The following PREP variants were observed in gnomAD, a reference collection of about 807,000 sequenced individuals.
PREP encodes the protein prolyl endopeptidase.
Under a neutral mutation model 87.6 loss-of-function variants are expected in PREP, and 29 were observed. The observed-to-expected ratio is 0.33, with a 90% CI of 0.25 to 0.45. PREP has a LOEUF of 0.45. Among genes scored for constraint, PREP ranks in the 20% least tolerant of loss-of-function variants. The pLI, the probability that PREP is intolerant of heterozygous loss-of-function variation, is 1.00. For missense variants in PREP, 695 were observed against 886.5 expected, an observed-to-expected ratio of 0.78 and a Z score of 2.74; for synonymous variants, 337 against 328.6, an observed-to-expected ratio of 1.03 and a Z score of -0.28.
At chr6:105,363,558 G>A (rs1772306293) in intron 6 of PREP, among the ~76,000 whole-genome samples, 1 of 152,210 alleles carries the variant, frequency 6.6e-6, no homozygotes, top group Non-Finnish European at 1.5e-5. Flanking sequence ...GGGAGCTCTT[G>A]TTCCTGAGCC....
intron 10 of PREP, among the ~76,000 whole-genome samples, chr6:105,297,376 G>A (rs1770431792): frequency 6.6e-6 from 1 of 152,182 alleles, no homozygotes; most frequent in Non-Finnish European, 1.5e-5. Context: ...CATATAAAAT[G>A]TCATTTATAC....
chr6:105,327,038 G>T (rs1771182867), intron 9 of PREP, among the ~76,000 whole-genome samples: 1 of 152,150 alleles, frequency 6.6e-6, no homozygotes, highest in Non-Finnish European at 1.5e-5. Flanking sequence ...GTCACATGCG[G>T]TCACTGAAGG....
chr6:105,337,735 T>C (rs1771517825), intron 7 of PREP, among the ~76,000 whole-genome samples: 1 of 152,250 alleles, frequency 6.6e-6, no homozygotes, highest in Non-Finnish European at 1.5e-5. Flanking sequence ...AACTAAGCAA[T>C]GTATTTGGAA....
chr6:105,324,796 GC>G (rs1771105801), intron 9 of PREP, among the ~76,000 whole-genome samples: 1 of 152,140 alleles, frequency 6.6e-6, no homozygotes, highest in Non-Finnish European at 1.5e-5. Context: ...ACAATACGCT[GC>G]CCCCGACCGG....
intron 6 of PREP, 136 bp downstream of exon 6, chr6:105,368,767 T>C: frequency 1.9e-6 from 2 of 1,051,580 alleles, no homozygotes; most frequent in Non-Finnish European, 2.7e-6. Context: ...TCAATCTGAA[T>C]ACCAATATTT....
chr6:105,339,152 C>A (rs1771563740), intron 7 of PREP, among the ~76,000 whole-genome samples: 1 of 152,188 alleles, frequency 6.6e-6, no homozygotes, highest in Non-Finnish European at 1.5e-5. Context: ...CTGATTGACA[C>A]CTCATAAGGC....
chr6:105,312,788 T>C (rs1770784610), intron 10 of PREP, among the ~76,000 whole-genome samples: 1 of 151,870 alleles, frequency 6.6e-6, no homozygotes, highest in African/African-American at 2.4e-5. Flanking sequence ...TTTCAGAAAA[T>C]AGTAAAGAAA....
chr6:105,369,137 A>C, intron 5 of PREP, 113 bp from the exon 6 acceptor site: 1 of 1,081,972 alleles, frequency 9.2e-7, no homozygotes, highest in South Asian at 1.6e-5. Flanking sequence ...TGCAGGATAC[A>C]AGGTTAACAT....
intron 2 of PREP, among the ~76,000 whole-genome samples, chr6:105,379,985 G>A (rs1772793767): frequency 6.6e-6 from 1 of 152,202 alleles, no homozygotes; most frequent in African/African-American, 2.4e-5. Context: ...ACAATGAGAA[G>A]AGTGCAGAAA....
chr6:105,335,400 T>C (rs1771452477), intron 7 of PREP, among the ~76,000 whole-genome samples: 1 of 152,238 alleles, frequency 6.6e-6, no homozygotes, highest in South Asian at 2.1e-4. Flanking sequence ...ATCTCATTCA[T>C]CTCTGCAGCA....
intron 10 of PREP, among the ~76,000 whole-genome samples, chr6:105,302,266 G>A (rs1199872228): frequency 6.6e-6 from 1 of 152,230 alleles, no homozygotes; most frequent in African/African-American, 2.4e-5. Flanking sequence ...TGCTGCACAT[G>A]GAAGGCATAT....
intron 1 of PREP, among the ~76,000 whole-genome samples, chr6:105,400,195 T>C (rs1472416308): frequency 6.6e-6 from 1 of 152,202 alleles, no homozygotes; most frequent in African/African-American, 2.4e-5. Context: ...TTCCACCTGA[T>C]TTAAGTTTGC....
chr6:105,374,630 GTTTATATATATATATA>G (rs1772638661), intron 4 of PREP, among the ~76,000 whole-genome samples: 1 of 70,162 alleles, frequency 1.4e-5, no homozygotes, highest in Non-Finnish European at 2.5e-5. Flanking sequence ...TGTTTGAATT[GTTTATATATATATATA>G]TATATATATA....
At chr6:105,396,523 G>A (rs545003881) in intron 2 of PREP, among the ~76,000 whole-genome samples, 1 of 152,144 alleles carries the variant, frequency 6.6e-6, no homozygotes, top group Non-Finnish European at 1.5e-5. Flanking sequence ...TCCCAGTGGG[G>A]AGATGGGCAA....
intron 10 of PREP, among the ~76,000 whole-genome samples, chr6:105,319,620 A>AG (rs1770952733): frequency 1.3e-5 from 2 of 152,216 alleles, no homozygotes; most frequent in South Asian, 4.1e-4. Context: ...ATTTTCTTGA[A>AG]TTTACTGTAA....
chr6:105,302,661 G>T, intron 10 of PREP: 1 of 480,786 alleles, frequency 2.1e-6, no homozygotes, highest in South Asian at 1.7e-5. Flanking sequence ...TGAGAACACG[G>T]GCAATGGAAT....
chr6:105,339,946 G>A (rs1169804665), intron 7 of PREP, among the ~76,000 whole-genome samples: 1 of 152,162 alleles, frequency 6.6e-6, no homozygotes, highest in African/African-American at 2.4e-5. Flanking sequence ...GAGGAGAATG[G>A]AACCAAGTTG....
chr6:105,375,672 T>G (rs900256068), intron 4 of PREP, among the ~76,000 whole-genome samples: 1 of 152,256 alleles, frequency 6.6e-6, no homozygotes, highest in Non-Finnish European at 1.5e-5. Context: ...ATTAACTAGA[T>G]TTTTAAAACT....
rs201063692 is a variant in PREP, at chr6:105,285,693, C to G, written c.1455-113G>C. 2.2e-5 allele frequency: 17 copies of G among 765,992 alleles called. No individual in the cohort carries two copies. The East Asian group carries it at 4.4e-4, about 20-fold the overall frequency. The allele number at this position is 765,992 out of a possible 1,614,324, so 47.4% of individuals were successfully genotyped here. On this transcript the variant is annotated intron_variant, in intron 11 of 14. Coordinates refer to ENST00000652536, the MANE Select transcript of PREP (RefSeq NM_002726.5). ...AACAACACTCTGAGTAATATCATCT[C>G]AATAGGAGCTTGACATTTCTTTTAT...
Sources: gnomAD v4.1 joint callset for allele counts (sites outside exome capture counted in the v4.1 genomes callset) on GRCh38, gnomAD v4.1.1 for gene constraint, MANE v1.5 for transcripts, NCBI Gene and HGNC (gene_info 2026-07-23, HGNC 2026-07-21) for gene names.